TMEM132D: variants seen among roughly 807,000 people sequenced by gnomAD.
TMEM132D encodes transmembrane protein 132D.
TMEM132D carries 21 observed loss-of-function variants against 62.3 expected under a neutral mutation model. The observed-to-expected ratio is 0.34, with a 90% CI of 0.24 to 0.49. TMEM132D has a LOEUF of 0.49. Ranked by LOEUF, TMEM132D falls within the 20% of genes least tolerant of loss-of-function variation. TMEM132D has a pLI of 0.99. For synonymous variants in TMEM132D, 621 were observed against 575.6 expected (o/e 1.08, Z -1.13); for missense variants, 1,346 against 1,402.8 (o/e 0.96, Z 0.65).
intron 3 of TMEM132D, among the ~76,000 whole-genome samples, chr12:129,352,772 C>T (rs190880212): frequency 4.5e-4 from 68 of 152,084 alleles, no homozygotes; most frequent in African/African-American, 1.0e-3. Flanking sequence ...TAGATGTTGG[C>T]GAGGCTGTGG....
intron 3 of TMEM132D, among the ~76,000 whole-genome samples, chr12:129,525,923 C>A (rs1876022463): frequency 6.6e-6 from 1 of 152,166 alleles, no homozygotes; most frequent in Non-Finnish European, 1.5e-5. Flanking sequence ...AAAGGAAAGT[C>A]ACGCCATTTT....
Position 129,277,289 on chromosome 12 carries a change from G to A in TMEM132D, c.1299+60345C>T, listed in dbSNP as rs10847824. Among the ~76,000 whole-genome samples, 15,779 of 152,086 alleles carry A rather than the reference G, an allele frequency of 0.1. 1,210 individuals are homozygous for A. Among genetic ancestry groups the A allele is most frequent in the East Asian group, 0.34 (1,774 of 5,160 alleles). On this transcript the variant is annotated intron_variant, in intron 4 of 8. Coordinates refer to ENST00000422113, the MANE Select transcript of TMEM132D (RefSeq NM_133448.3). This position sits in a 1 kb window ranked among gnomAD's most constrained non-coding sequence, Gnocchi z 4.2. ...GAGATGTATTTTCCTCAACAATGAG[G>A]TCCAGACTTAGAGGTATTTGTGTCA... is the stretch of plus-strand genomic sequence containing the variant.
intron 2 of TMEM132D, among the ~76,000 whole-genome samples, chr12:129,589,169 G>T (rs906272457): frequency 6.6e-6 from 1 of 152,096 alleles, no homozygotes; most frequent in Admixed American, 6.5e-5. Context: ...GGGACCCAGT[G>T]GGAGATAATG....
At chr12:129,408,972 G>A (rs931830420) in intron 3 of TMEM132D, among the ~76,000 whole-genome samples, 5 of 151,902 alleles carry the variant, frequency 3.3e-5, no homozygotes, top group African/African-American at 7.3e-5. Flanking sequence ...TTGCTCTTTC[G>A]CCCAGGCTGG....
At chr12:129,539,574 A>ATCT (rs1555263663) in intron 2 of TMEM132D, among the ~76,000 whole-genome samples, 3 of 144,000 alleles carry the variant, frequency 2.1e-5, no homozygotes, top group South Asian at 2.2e-4. Flanking sequence ...AATTTTTTCT[A>ATCT]TTTTTTTTTT....
intron 5 of TMEM132D, among the ~76,000 whole-genome samples, chr12:129,170,812 A>AG (rs1471491696): frequency 1.3e-5 from 2 of 151,564 alleles, no homozygotes; most frequent in Admixed American, 6.6e-5. Context: ...CAAGTAAAAA[A>AG]AAAAAGTGTT....
At chr12:129,576,743 G>C in intron 2 of TMEM132D, among the ~76,000 whole-genome samples, 1 of 151,802 alleles carries the variant, frequency 6.6e-6, no homozygotes. Context: ...GCCTACTGTT[G>C]ATGGGTAGCC....
chr12:129,083,122 C>T (rs1874507032), intron 6 of TMEM132D, among the ~76,000 whole-genome samples: 1 of 152,220 alleles, frequency 6.6e-6, no homozygotes, highest in Non-Finnish European at 1.5e-5. Context: ...GGATAGCTAA[C>T]ATGACAAGGC....
At chr12:129,642,920 CTTTTTT>C (rs71082742) in intron 2 of TMEM132D, among the ~76,000 whole-genome samples, 9 of 105,556 alleles carry the variant, frequency 8.5e-5, no homozygotes, top group Admixed American at 4.6e-4. Context: ...ATTTACAAAT[CTTTTTT>C]TTTTTTTTTT....
At chr12:129,251,467 G>A (rs1009642951) in intron 4 of TMEM132D, among the ~76,000 whole-genome samples, 10 of 151,418 alleles carry the variant, frequency 6.6e-5, no homozygotes, top group African/African-American at 2.2e-4. Context: ...TCCCTTACCC[G>A]AGGAAGGATG....
intron 2 of TMEM132D, among the ~76,000 whole-genome samples, chr12:129,644,984 TAAAAAAAA>T (rs749612311): frequency 4.7e-5 from 3 of 63,402 alleles, no homozygotes; most frequent in Non-Finnish European, 8.8e-5. Context: ...ATAGTCCATC[TAAAAAAAA>T]AAAAAAAAAA....
chr12:129,158,770 T>C (rs528342130), intron 5 of TMEM132D, among the ~76,000 whole-genome samples: 1 of 152,226 alleles, frequency 6.6e-6, no homozygotes, highest in African/African-American at 2.4e-5. Context: ...ATTTTCACAA[T>C]GCTATAAATA....
intron 1 of TMEM132D, among the ~76,000 whole-genome samples, chr12:129,902,161 C>T (rs1875379969): frequency 6.6e-6 from 1 of 152,150 alleles, no homozygotes; most frequent in African/African-American, 2.4e-5. Flanking sequence ...TTATCAGATC[C>T]AAAGCAACAT....
intron 3 of TMEM132D, among the ~76,000 whole-genome samples, chr12:129,364,764 G>A (rs1485876405): frequency 6.6e-6 from 1 of 152,180 alleles, no homozygotes; most frequent in Non-Finnish European, 1.5e-5. Flanking sequence ...CTGCTGGAAT[G>A]ACCACAATCG....
At chr12:129,640,473 C>T (rs895425462) in intron 2 of TMEM132D, among the ~76,000 whole-genome samples, 6 of 152,174 alleles carry the variant, frequency 3.9e-5, no homozygotes, top group Admixed American at 2.6e-4. Flanking sequence ...CTTCTCCTGA[C>T]CACATTATCC....
chr12:129,795,959 C>T (rs984271477), intron 1 of TMEM132D, among the ~76,000 whole-genome samples: 1 of 152,096 alleles, frequency 6.6e-6, no homozygotes, highest in Non-Finnish European at 1.5e-5. Context: ...TCCTAAAATT[C>T]ATTAAAATAT....
chr12:129,479,091 G>C (rs927786674), intron 3 of TMEM132D, among the ~76,000 whole-genome samples: 2 of 152,152 alleles, frequency 1.3e-5, no homozygotes, highest in African/African-American at 4.8e-5. Context: ...GCAGTACCCA[G>C]TGTTCAGACA....
chr12:129,777,429 A>C (rs1242664508), intron 1 of TMEM132D, among the ~76,000 whole-genome samples: 2 of 152,176 alleles, frequency 1.3e-5, no homozygotes, highest in Non-Finnish European at 2.9e-5. Flanking sequence ...TCAGGCTGCA[A>C]GCTCCTACCT....
rs1474875021 is a variant in TMEM132D at position 129,504,627 on chromosome 12, C to G, written c.1115+26432G>C. ...TGGATTTTCTCTCTTCTTGGTTAAT[C>G]TTGTTAATAGTCTATCAATTTTATT... On this transcript the variant is annotated intron_variant, in intron 3 of 8. Coordinates refer to ENST00000422113, the MANE Select transcript of TMEM132D (RefSeq NM_133448.3). Among the ~76,000 whole-genome samples the G allele has an allele frequency of 2.6e-5, 4 of 152,152 alleles. No individual in the cohort carries two copies. The South Asian group carries it at 8.3e-4, about 31-fold the overall frequency.
Sources: allele counts gnomAD v4.1 joint callset (sites outside exome capture counted in the v4.1 genomes callset), GRCh38; gene constraint gnomAD v4.1.1; non-coding constraint Gnocchi (gnomAD v3.1); transcripts MANE v1.5; gene names NCBI Gene and HGNC (gene_info 2026-07-23, HGNC 2026-07-21).